Variants in SUPT3H observed in about 807,000 individuals in gnomAD.
SUPT3H encodes the protein SPT3 homolog, SAGA and STAGA complex component, also known as transcription initiation protein SPT3 homolog.
Under a neutral mutation model 44.3 loss-of-function variants are expected in SUPT3H, and 44 were observed. The ratio of observed to expected loss-of-function variants is 0.99; its 90% CI spans 0.78 to 1.28. The LOEUF is 1.28. SUPT3H is among the 50% of genes most tolerant of loss of function. The pLI is 0.00. For missense variants in SUPT3H, 380 were observed against 387.1 expected (o/e 0.98, Z 0.15); for synonymous variants, 124 against 125.6 (o/e 0.99, Z 0.09).
Position 45,152,937 on chromosome 6 carries a change from T to A in SUPT3H, c.102-46931A>T, listed in dbSNP as rs73738616. 9.8e-3 allele frequency among the ~76,000 whole-genome samples: 1,493 copies of A among 152,292 alleles called. 34 individuals carry two copies. Among genetic ancestry groups the A allele is most frequent in the African/African-American group, 0.034 (1,406 of 41,574 alleles). On this transcript the variant is annotated intron_variant, in intron 2 of 10. Coordinates refer to ENST00000371459, the MANE Select transcript of SUPT3H (RefSeq NM_003599.4). ...TCTTTGCCCTCATCTATATATACCT[T>A]CTACCCTTACCAAATAGCCTTTGTG...
At chr6:45,091,148 A>G (rs1167749639) in intron 3 of SUPT3H, among the ~76,000 whole-genome samples, 2 of 151,962 alleles carry the variant, frequency 1.3e-5, no homozygotes, top group Non-Finnish European at 2.9e-5. Context: ...ATTATAACTT[A>G]TGCCTACATT....
intron 2 of SUPT3H, among the ~76,000 whole-genome samples, chr6:45,263,739 A>G (rs1774785145): frequency 6.6e-6 from 1 of 152,154 alleles, no homozygotes; most frequent in Non-Finnish European, 1.5e-5. Context: ...TTGTATCCCT[A>G]CAGTCTCAAA....
intron 9 of SUPT3H, among the ~76,000 whole-genome samples, chr6:44,953,015 T>G (rs1302827459): frequency 6.6e-6 from 1 of 152,142 alleles, no homozygotes; most frequent in Non-Finnish European, 1.5e-5. Context: ...CTAAACCAGT[T>G]TTTCATCTCC....
chr6:45,229,452 T>C (rs148838264), intron 2 of SUPT3H, among the ~76,000 whole-genome samples: 1 of 152,168 alleles, frequency 6.6e-6, no homozygotes, highest in Non-Finnish European at 1.5e-5. Context: ...TATAGCAAAA[T>C]ACTAAAATAA....
At chr6:44,890,533 C>G (rs1418370890) in intron 10 of SUPT3H, among the ~76,000 whole-genome samples, 5 of 145,884 alleles carry the variant, frequency 3.4e-5, no homozygotes, top group Non-Finnish European at 7.4e-5. Flanking sequence ...ACCGCATATT[C>G]TCACTCATAG....
At chr6:45,356,394 ATTTCTTTTTT>A (rs1331814448) in intron 2 of SUPT3H, among the ~76,000 whole-genome samples, 1 of 151,664 alleles carries the variant, frequency 6.6e-6, no homozygotes, top group Non-Finnish European at 1.5e-5. Flanking sequence ...ATCAATTCTC[ATTTCTTTTTT>A]TTTCTTTTTT....
intron 3 of SUPT3H, among the ~76,000 whole-genome samples, chr6:45,094,593 G>T (rs1479114746): frequency 6.6e-6 from 1 of 152,052 alleles, no homozygotes; most frequent in Admixed American, 6.6e-5. Flanking sequence ...ACTATCCATG[G>T]CAATTGGTGG....
intron 2 of SUPT3H, among the ~76,000 whole-genome samples, chr6:45,306,835 G>C (rs2149963101): frequency 6.6e-6 from 1 of 152,326 alleles, no homozygotes; most frequent in African/African-American, 2.4e-5. Flanking sequence ...AGCAGGGCGA[G>C]GCATCGCCTC....
intron 3 of SUPT3H, among the ~76,000 whole-genome samples, chr6:45,089,487 T>C (rs1796878691): frequency 6.6e-6 from 1 of 152,000 alleles, no homozygotes; most frequent in South Asian, 2.1e-4. Flanking sequence ...TCTGCGTCTC[T>C]CATCAGAGCT....
chr6:45,283,818 C>T (rs560923779), intron 2 of SUPT3H, among the ~76,000 whole-genome samples: 4 of 152,214 alleles, frequency 2.6e-5, no homozygotes, highest in African/African-American at 7.2e-5. Flanking sequence ...TATCCCAAAA[C>T]TGACCACATA....
intron 10 of SUPT3H, chr6:44,899,039 A>T (rs1275546770): frequency 1.3e-5 from 2 of 152,242 alleles, no homozygotes; most frequent in Non-Finnish European, 2.9e-5. Context: ...AAAGGGTAGA[A>T]AGATGGCTGG....
At chr6:44,900,848 A>T (rs146151673) in intron 10 of SUPT3H, among the ~76,000 whole-genome samples, 73 of 152,308 alleles carry the variant, frequency 4.8e-4, no homozygotes, top group African/African-American at 1.7e-3. Context: ...ATCAGGCAGC[A>T]ACATTTGATG....
At chr6:45,217,952 G>T (rs1765369716) in intron 2 of SUPT3H, among the ~76,000 whole-genome samples, 1 of 151,890 alleles carries the variant, frequency 6.6e-6, no homozygotes, top group Admixed American at 6.6e-5. Context: ...CTGAAAAAAT[G>T]TTCTAGTATA....
intron 10 of SUPT3H, among the ~76,000 whole-genome samples, chr6:44,856,539 G>A (rs768992664): frequency 5.9e-5 from 9 of 152,172 alleles, no homozygotes; most frequent in Non-Finnish European, 1.3e-4. Flanking sequence ...AATGTGGTTT[G>A]ACATTTCATG....
At chr6:44,945,595 T>C (rs1282262212) in intron 9 of SUPT3H, among the ~76,000 whole-genome samples, 1 of 152,342 alleles carries the variant, frequency 6.6e-6, no homozygotes, top group African/African-American at 2.4e-5. Context: ...AAACTAGCCA[T>C]GACATTTCCT....
intron 10 of SUPT3H, among the ~76,000 whole-genome samples, chr6:44,917,414 C>T (rs1172428629): frequency 6.6e-6 from 1 of 152,172 alleles, no homozygotes; most frequent in Non-Finnish European, 1.5e-5. Context: ...AAAGATCATA[C>T]ATGTGTGTAC....
intron 2 of SUPT3H, among the ~76,000 whole-genome samples, chr6:45,212,767 T>A (rs980841033): frequency 2.0e-5 from 3 of 152,196 alleles, no homozygotes; most frequent in African/African-American, 4.8e-5. Context: ...TCTTAGGACA[T>A]CATTCATTGT....
At chr6:45,158,248 T>TAGA (rs1808211531) in intron 2 of SUPT3H, among the ~76,000 whole-genome samples, 1 of 127,248 alleles carries the variant, frequency 7.9e-6, no homozygotes, top group Non-Finnish European at 1.7e-5. Context: ...AGATAGATAA[T>TAGA]GCCTATATTT....
In SUPT3H at chr6:44,910,831, TAAAAAA is replaced by T. The variant is rs386700760; in HGVS notation, c.912+21816_912+21821del. 6.5e-3 allele frequency among the ~76,000 whole-genome samples: 987 copies of T among 151,298 alleles called. 11 individuals carry two copies. Among genetic ancestry groups the T allele is most frequent in the African/African-American group, 0.023 (932 of 41,292 alleles). Reference sequence around the variant, plus strand: ...CAACATGGTGAAACCCCATCTTCACTAAAAAATACAAAAATTAGCCAGGTATGATGG... The same window carrying T: ...CAACATGGTGAAACCCCATCTTCACTTACAAAAATTAGCCAGGTATGATGG... On this transcript the variant is annotated intron_variant, in intron 10 of 10. Transcript: ENST00000371459.
Sources: allele counts gnomAD v4.1 joint callset (sites outside exome capture counted in the v4.1 genomes callset), GRCh38; gene constraint gnomAD v4.1.1; transcripts MANE v1.5; gene names NCBI Gene and HGNC (gene_info 2026-07-23, HGNC 2026-07-21).